Variants in COL17A1 observed in about 807,000 individuals in gnomAD.
COL17A1 encodes the protein collagen alpha-1(XVII) chain.
Under a neutral mutation model 218.4 loss-of-function variants are expected in COL17A1, and 181 were observed. That is an observed-to-expected ratio of 0.83 (90% CI 0.73 to 0.94). COL17A1 has a LOEUF of 0.94. COL17A1 is among the 40% of genes least tolerant of loss of function. The pLI is 0.00. For missense variants in COL17A1, 1,924 were observed against 1,945.9 expected (o/e 0.99, Z 0.21); for synonymous variants, 721 against 731.0 (o/e 0.99, Z 0.22).
chr10:104,050,140 G>C lies in COL17A1; in HGVS notation c.2129-16C>G, dbSNP rs1197196360. 1 of 1,614,080 alleles carries C rather than the reference G, an allele frequency of 6.2e-7. No homozygotes were observed. Among genetic ancestry groups the C allele is most frequent in the Admixed American group, 1.7e-5 (1 of 60,018 alleles). On this transcript the variant is annotated splice_polypyrimidine_tract_variant and intron_variant, in intron 27 of 55. Coordinates refer to ENST00000648076, the MANE Select transcript of COL17A1 (RefSeq NM_000494.4). ...CCCTGGTCACCTAAAGCAAACAAGG[G>C]GGAGGTGGAAAAAGCCACAGTTGTG...
chr10:104,055,194 G>C, intron 19 of COL17A1, 178 bp downstream of exon 19: 1 of 1,419,588 alleles, frequency 7.0e-7, no homozygotes, highest in Middle Eastern at 1.8e-4. Flanking sequence ...CTTAGATGCT[G>C]CCTTATCTAA....
intron 39 of COL17A1, among the ~76,000 whole-genome samples, chr10:104,040,761 G>A (rs1192009835): frequency 1.3e-5 from 2 of 152,180 alleles, no homozygotes; most frequent in African/African-American, 4.8e-5. Flanking sequence ...TCACGCGCAT[G>A]TATCCTGCCT....
At position 104,060,024 on chromosome 10, in the gene COL17A1, G is replaced by A; in HGVS notation, c.1141+95C>T. 3 of 1,574,478 alleles carry A rather than the reference G, an allele frequency of 1.9e-6. No homozygotes were observed. The South Asian group carries it at 3.4e-5, about 18-fold the overall frequency. On this transcript the variant is annotated intron_variant, in intron 14 of 55. Transcript: ENST00000648076. ...TAGAATGGGATGGCTATGGTTTCAT[G>A]ACTCATAGGGTCCCAAACCACCTTG...
chr10:104,078,581 T>A lies in COL17A1; in HGVS notation c.58A>T (p.Thr20Ser), dbSNP rs766571485. 6.2e-7 allele frequency: 1 copy of A among 1,614,168 alleles called. No homozygotes were observed. Among genetic ancestry groups the A allele is most frequent in the South Asian group, 1.1e-5 (1 of 91,080 alleles). ...DGTEVTERIVTETVTTRLTSL... is the reference protein window; with the variant it reads ...DGTEVTERIVSETVTTRLTSL... ...GTAAGTCTTGTGGTTACTGTTTCAG[T>A]GACAACTAGAAAAAGACAAAGAAAA... Residue 20 changes from threonine to serine, a missense_variant, in exon 3 of 56, where the codon ACT becomes TCT. By Grantham distance (58) the Thr-to-Ser change is moderately conservative. Transcript: ENST00000648076.
At chr10:104,034,484 G>A in intron 51 of COL17A1, 137 bp downstream of exon 51, 1 of 1,490,768 alleles carries the variant, frequency 6.7e-7, no homozygotes, top group Middle Eastern at 2.3e-4. Context: ...GAATTTTGGT[G>A]TGGAAGGAAA....
intron 33 of COL17A1, among the ~76,000 whole-genome samples, chr10:104,045,132 G>A (rs1415074720): frequency 6.6e-6 from 1 of 152,164 alleles, no homozygotes; most frequent in Non-Finnish European, 1.5e-5. Flanking sequence ...CTTGCTCGGG[G>A]TTGAGGTCTG....
chr10:104,070,535 C>T lies in COL17A1; in HGVS notation c.498G>A (p.Lys166=). ...GGCTCACACTTGCCGATCGACTCCC[C>T]TTGAGCAAACGCTTAACATCATCCA... The part of the protein sequence containing the change: ...TELDDVKRLL[K]GSRSASVSPT... The change falls in exon 9 of 56, where the codon AAG becomes AAA. Residue 166 remains lysine, a synonymous_variant. Transcript: ENST00000648076. 1.9e-6 allele frequency: 3 copies of T among 1,614,182 alleles called. No homozygotes were observed. The highest frequency in any genetic ancestry group is 2.5e-6 in the Non-Finnish European group (3 of 1,180,036).
chr10:104,036,862 C>G (rs1016143864), intron 47 of COL17A1, among the ~76,000 whole-genome samples, 183 bp downstream of exon 47: 3 of 152,286 alleles, frequency 2.0e-5, no homozygotes, highest in Admixed American at 2.0e-4. Context: ...TTTCCTGCCC[C>G]CTTTCCAGCC....
intron 31 of COL17A1, among the ~76,000 whole-genome samples, chr10:104,047,235 C>T (rs1298791405): frequency 6.6e-6 from 1 of 151,940 alleles, no homozygotes; most frequent in Non-Finnish European, 1.5e-5. Context: ...TTCCTGCAAC[C>T]CTGAGAAGTT....
intron 4 of COL17A1, 126 bp from the exon 5 acceptor site, chr10:104,076,555 G>A (rs1290300953): frequency 7.9e-7 from 1 of 1,272,874 alleles, no homozygotes; most frequent in African/African-American, 1.5e-5. Flanking sequence ...CAGCTGAAAG[G>A]GGCCACCTCA....
At chr10:104,063,062 G>C (rs558447307) in intron 11 of COL17A1, among the ~76,000 whole-genome samples, 1 of 152,174 alleles carries the variant, frequency 6.6e-6, no homozygotes, top group African/African-American at 2.4e-5. Flanking sequence ...GTCAACTGGA[G>C]GAAGGTGCTG....
At position 104,055,790 on chromosome 10, in the gene COL17A1, TG is replaced by T. The variant is rs2086518173; in HGVS notation, c.1678del (p.Gln560ArgfsTer123). On this transcript the variant is annotated frameshift_variant, in exon 18 of 56. Coordinates refer to ENST00000648076, the MANE Select transcript of COL17A1 (RefSeq NM_000494.4). LOFTEE classifies it high-confidence loss of function. ...MFVRKKLMMEQENGNLRGSPG... is the reference protein window; with the variant it reads ...MFVRKKLMMEXENGNLRGSPG... ...CCCGGCGATGCTCTCACCATTTTCC[TG>T]TTCCATCATTAGCTTCTTCCTCACG... is the stretch of plus-strand genomic sequence containing the variant. 6.2e-7 allele frequency: 1 copy of T among 1,614,140 alleles called. No individual in the cohort carries two copies. The highest frequency in any genetic ancestry group is 8.5e-7 in the Non-Finnish European group (1 of 1,180,040).
chr10:104,080,288 T>C (rs1010031624), intron 2 of COL17A1, among the ~76,000 whole-genome samples: 1 of 152,256 alleles, frequency 6.6e-6, no homozygotes, highest in Admixed American at 6.5e-5. Context: ...GTTATTCGTT[T>C]AGATTTCTGT....
At chr10:104,082,849 TA>T (rs971957142) in intron 1 of COL17A1, among the ~76,000 whole-genome samples, 2 of 152,190 alleles carry the variant, frequency 1.3e-5, no homozygotes, top group African/African-American at 4.8e-5. Flanking sequence ...ACTTCTGCAG[TA>T]AAATGCTAAG....
intron 30 of COL17A1, 105 bp downstream of exon 30, chr10:104,047,964 C>T (rs1004423954): frequency 6.9e-7 from 1 of 1,450,342 alleles, no homozygotes; most frequent in Non-Finnish European, 9.7e-7. Context: ...CACACTTCCA[C>T]ATGCTATATG....
Position 104,036,527 on chromosome 10 carries a change from G to A in COL17A1, c.3383C>T (p.Ala1128Val), listed in dbSNP as rs747491139. The A allele has an allele frequency of 1.2e-5, 19 of 1,613,824 alleles. No homozygotes were observed. Among genetic ancestry groups the A allele is most frequent in the Admixed American group, 1.7e-5 (1 of 59,980 alleles). Residue 1128 changes from alanine (A) to valine (V), a missense_variant, in exon 48 of 56, where the codon GCA (alanine) becomes GTA (valine). By Grantham distance (64) the Ala-to-Val change is moderately conservative (BLOSUM62 0). Transcript: ENST00000648076. ...GCTGAGAATGCGACTACTCAGCTCTGCATAGTCCAAAGACAGGAGGGACCC... is the reference window on the plus strand; with the variant it reads ...GCTGAGAATGCGACTACTCAGCTCTACATAGTCCAAAGACAGGAGGGACCC... ...GDGSLLSLDY[A>V]ELSSRILSYM...
chr10:104,040,600 AGGTGGATGGATG>A (rs2086349961), intron 39 of COL17A1, among the ~76,000 whole-genome samples, 190 bp from the exon 40 acceptor site: 2 of 140,910 alleles, frequency 1.4e-5, no homozygotes, highest in South Asian at 4.3e-4. Context: ...ATGGATGGAT[AGGTGGATGGATG>A]GATGGATGGA....
intron 22 of COL17A1, 96 bp downstream of exon 22, chr10:104,053,824 A>G (rs2086493448): frequency 2.6e-6 from 2 of 780,582 alleles, no homozygotes; most frequent in Non-Finnish European, 4.5e-6. Flanking sequence ...TCCAGAGCCT[A>G]AAACAAGGCC....
chr10:104,043,916 A>G, intron 33 of COL17A1, 56 bp from the exon 34 acceptor site: 4 of 1,596,300 alleles, frequency 2.5e-6, no homozygotes, highest in Non-Finnish European at 3.4e-6. Context: ...TTAGTGGCTC[A>G]ATAAGCCATT....
Sources: allele counts gnomAD v4.1 joint callset (sites outside exome capture counted in the v4.1 genomes callset), GRCh38; gene constraint gnomAD v4.1.1; transcripts MANE v1.5; gene names NCBI Gene and HGNC (gene_info 2026-07-23, HGNC 2026-07-21).